PHACTR1: variants seen among roughly 807,000 people sequenced by gnomAD.
The protein encoded by PHACTR1 is phosphatase and actin regulator 1.
In PHACTR1, 16 loss-of-function variants were observed where a neutral mutation model predicts 69.2. The observed-to-expected ratio is 0.23, with a 90% confidence interval of 0.16 to 0.35. PHACTR1 has a LOEUF of 0.35. Among genes scored for constraint, PHACTR1 ranks in the 10% least tolerant of loss-of-function variants. The pLI, the probability that PHACTR1 is intolerant of heterozygous loss-of-function variation, is 1.00. For synonymous variants in PHACTR1, 312 were observed against 284.5 expected (o/e 1.10, Z -0.97); for missense variants, 510 against 734.7 (o/e 0.69, Z 3.54).
intron 3 of PHACTR1, among the ~76,000 whole-genome samples, chr6:12,744,324 CA>C (rs1304194644): frequency 1.3e-5 from 2 of 152,148 alleles, no homozygotes; most frequent in African/African-American, 4.8e-5. Context: ...TGCACTTATG[CA>C]AACAAGTATA....
intron 5 of PHACTR1, among the ~76,000 whole-genome samples, chr6:13,079,206 T>G (rs997676510): frequency 6.6e-6 from 1 of 152,136 alleles, no homozygotes; most frequent in African/African-American, 2.4e-5. Flanking sequence ...TGCCAACTCA[T>G]GGAGACACAG....
At chr6:13,242,557 A>G (rs957774563) in intron 10 of PHACTR1, among the ~76,000 whole-genome samples, 2 of 152,228 alleles carry the variant, frequency 1.3e-5, no homozygotes, top group African/African-American at 4.8e-5. Flanking sequence ...TGGGGCGAGT[A>G]CATGGAGGTC....
At chr6:13,067,455 A>G (rs1007059508) in intron 5 of PHACTR1, among the ~76,000 whole-genome samples, 4 of 152,218 alleles carry the variant, frequency 2.6e-5, no homozygotes, top group Admixed American at 2.0e-4. Context: ...ACGTATCTCT[A>G]TAAAGAAATG....
At chr6:13,139,568 C>T (rs569061882) in intron 5 of PHACTR1, among the ~76,000 whole-genome samples, 1 of 152,214 alleles carries the variant, frequency 6.6e-6, no homozygotes, top group South Asian at 2.1e-4. Flanking sequence ...CTTGAAAGAA[C>T]AGCATTGTTT....
Position 13,196,920 on chromosome 6 carries a change from T to C in PHACTR1, c.665-8895T>C, listed in dbSNP as rs181311091. 2.0e-4 allele frequency among the ~76,000 whole-genome samples: 31 copies of C among 152,360 alleles called. 1 individual carries two copies. The highest frequency in any genetic ancestry group is 4.8e-5 in the African/African-American group (2 of 41,586). On this transcript the variant is annotated intron_variant, in intron 7 of 14. Coordinates refer to ENST00000332995, the MANE Select transcript of PHACTR1 (RefSeq NM_030948.6). ...TCTGCTCTTTTCCACTGCTTACTTA[T>C]GATAGTACCACCACATATTAAACAC...
chr6:12,780,249 CTGTGTGTGTGTGTGTGTG>C (rs71552713), intron 4 of PHACTR1, among the ~76,000 whole-genome samples: 3 of 147,452 alleles, frequency 2.0e-5, no homozygotes, highest in African/African-American at 7.6e-5. Context: ...TATCTTTTCT[CTGTGTGTGTGTGTGTGTG>C]TGTGTGTGTG....
chr6:12,826,385 A>G (rs1445033578), intron 4 of PHACTR1, among the ~76,000 whole-genome samples: 1 of 152,252 alleles, frequency 6.6e-6, no homozygotes, highest in African/African-American at 2.4e-5. Context: ...GCGGTTACAT[A>G]ATTGGCTAGG....
intron 4 of PHACTR1, among the ~76,000 whole-genome samples, chr6:12,873,275 C>T (rs997616879): frequency 5.9e-5 from 9 of 152,224 alleles, no homozygotes; most frequent in Middle Eastern, 6.8e-3. Flanking sequence ...CATTAGCCTC[C>T]CAAAGTGCTG....
chr6:12,789,864 G>T (rs1235424845), intron 4 of PHACTR1, among the ~76,000 whole-genome samples: 1 of 151,694 alleles, frequency 6.6e-6, no homozygotes, highest in East Asian at 1.9e-4. Context: ...CCATGCTGGT[G>T]TGCTGCACCC....
chr6:12,829,057 C>T (rs549592892), intron 4 of PHACTR1, among the ~76,000 whole-genome samples: 47 of 152,110 alleles, frequency 3.1e-4, no homozygotes, highest in African/African-American at 1.0e-3. Flanking sequence ...AATATCACTC[C>T]GTACCCCATA....
At chr6:13,189,837 T>C (rs1050318942) in intron 7 of PHACTR1, among the ~76,000 whole-genome samples, 1 of 152,230 alleles carries the variant, frequency 6.6e-6, no homozygotes, top group South Asian at 2.1e-4. Context: ...AACTAAAGAA[T>C]GTAGATTGGG....
chr6:13,204,456 A>G (rs1765631176), intron 7 of PHACTR1, among the ~76,000 whole-genome samples: 1 of 152,206 alleles, frequency 6.6e-6, no homozygotes, highest in African/African-American at 2.4e-5. Flanking sequence ...TCTCCCAGGC[A>G]AGCCTACAAC....
chr6:13,197,386 A>T (rs1764588336), intron 7 of PHACTR1, among the ~76,000 whole-genome samples: 1 of 152,080 alleles, frequency 6.6e-6, no homozygotes, highest in African/African-American at 2.4e-5. Flanking sequence ...TGTAGTTATT[A>T]ATCTATTTAC....
chr6:12,857,665 G>C (rs1780535264), intron 4 of PHACTR1, among the ~76,000 whole-genome samples: 1 of 151,774 alleles, frequency 6.6e-6, no homozygotes, highest in African/African-American at 2.4e-5. Context: ...CGATCTTGCT[G>C]AATGAACTAA....
chr6:12,809,328 C>G (rs1774757162), intron 4 of PHACTR1, among the ~76,000 whole-genome samples: 1 of 152,156 alleles, frequency 6.6e-6, no homozygotes, highest in South Asian at 2.1e-4. Context: ...ATCAATCACC[C>G]TAGTGCAGGA....
At chr6:13,016,248 C>T (rs1016312219) in intron 4 of PHACTR1, among the ~76,000 whole-genome samples, 4 of 152,300 alleles carry the variant, frequency 2.6e-5, no homozygotes, top group East Asian at 1.9e-4. Flanking sequence ...CAGATTTCCC[C>T]GATGTCCTGT....
chr6:12,929,052 G>A (rs926364533), intron 4 of PHACTR1, among the ~76,000 whole-genome samples: 4 of 152,220 alleles, frequency 2.6e-5, no homozygotes, highest in African/African-American at 9.6e-5. Flanking sequence ...GCTAAGCAAA[G>A]CCGGATCAGC....
At chr6:13,206,827 A>G (rs980237640) in intron 8 of PHACTR1, among the ~76,000 whole-genome samples, 1 of 152,144 alleles carries the variant, frequency 6.6e-6, no homozygotes, top group Non-Finnish European at 1.5e-5. Flanking sequence ...TGACATATAC[A>G]TCTTAGGGAT....
intron 4 of PHACTR1, among the ~76,000 whole-genome samples, chr6:12,841,005 C>G (rs1245751245): frequency 1.3e-5 from 2 of 152,214 alleles, no homozygotes; most frequent in Non-Finnish European, 2.9e-5. Context: ...GAACATGGAA[C>G]TCACGAAAGT....
Sources: gnomAD v4.1 joint callset for allele counts (sites outside exome capture counted in the v4.1 genomes callset) on GRCh38, gnomAD v4.1.1 for gene constraint, MANE v1.5 for transcripts, NCBI Gene and HGNC (gene_info 2026-07-23, HGNC 2026-07-21) for gene names.